The following ROBO2 variants were observed in gnomAD, a reference collection of about 807,000 sequenced individuals.
ROBO2 encodes the protein roundabout guidance receptor 2, also known as roundabout homolog 2.
In ROBO2, 53 loss-of-function variants were observed where a neutral mutation model predicts 160.8. The observed-to-expected ratio is 0.33, with a 90% CI of 0.26 to 0.41. The LOEUF (loss-of-function observed/expected upper bound fraction) is 0.41, where lower values mean the gene tolerates loss of function less well. Among genes scored for constraint, ROBO2 ranks in the 10% least tolerant of loss-of-function variants. ROBO2 has a pLI of 1.00. For synonymous variants in ROBO2, 664 were observed against 611.7 expected, an observed-to-expected ratio of 1.09 and a Z score of -1.26; for missense variants, 1,577 against 1,722.4, an observed-to-expected ratio of 0.92 and a Z score of 1.49.
At chr3:77,390,594 G>A (rs972216058) in intron 2 of ROBO2, among the ~76,000 whole-genome samples, 1 of 152,236 alleles carries the variant, frequency 6.6e-6, no homozygotes, top group South Asian at 2.1e-4. Flanking sequence ...GGAGCTATGA[G>A]TCCATTAAAC....
chr3:76,449,088 C>T (rs1388127754), intron 2 of ROBO2, among the ~76,000 whole-genome samples: 1 of 152,134 alleles, frequency 6.6e-6, no homozygotes, highest in East Asian at 1.9e-4. Context: ...AATATCTTGA[C>T]TTTTCCATTC....
intron 19 of ROBO2, among the ~76,000 whole-genome samples, chr3:77,601,382 A>C (rs957090669): frequency 1.3e-5 from 2 of 152,196 alleles, no homozygotes; most frequent in Non-Finnish European, 1.5e-5. Flanking sequence ...TCTTCCAAAA[A>C]GGGAAAATAA....
intron 2 of ROBO2, among the ~76,000 whole-genome samples, chr3:77,281,694 T>G (rs2060251013): frequency 6.6e-6 from 1 of 152,142 alleles, no homozygotes; most frequent in South Asian, 2.1e-4. Context: ...CCCCAACATT[T>G]TAGGCACCAG....
intron 2 of ROBO2, among the ~76,000 whole-genome samples, chr3:76,463,020 C>T (rs897058111): frequency 7.2e-5 from 11 of 152,166 alleles, no homozygotes; most frequent in African/African-American, 1.4e-4. Context: ...TGCCCATCAC[C>T]GCATTACATG....
chr3:76,978,948 A>ATTT (rs1559792542), intron 2 of ROBO2, among the ~76,000 whole-genome samples: 1,699 of 149,186 alleles, frequency 0.011, 28 homozygotes, highest in African/African-American at 0.039. Context: ...GTTTTTTAAA[A>ATTT]AAAAAAAAAA....
intron 2 of ROBO2, among the ~76,000 whole-genome samples, chr3:77,255,823 A>G (rs1003646171): frequency 3.3e-5 from 5 of 152,242 alleles, no homozygotes; most frequent in African/African-American, 1.2e-4. Context: ...TGTATAAAGC[A>G]ATGAGGTAAC....
At chr3:76,356,294 A>G (rs139336431) in intron 2 of ROBO2, among the ~76,000 whole-genome samples, 1 of 151,726 alleles carries the variant, frequency 6.6e-6, no homozygotes, top group African/African-American at 2.4e-5. Flanking sequence ...AACAGATGGA[A>G]TCAATAGAAT....
At chr3:75,928,318 C>CTGT (rs1947376099) in intron 1 of ROBO2, among the ~76,000 whole-genome samples, 1 of 152,162 alleles carries the variant, frequency 6.6e-6, no homozygotes, top group Admixed American at 6.5e-5. Context: ...GGCAAACCAG[C>CTGT]ATTTCAAAAA....
intron 2 of ROBO2, among the ~76,000 whole-genome samples, chr3:77,102,937 A>T (rs1249354157): frequency 6.6e-6 from 1 of 151,988 alleles, no homozygotes; most frequent in Non-Finnish European, 1.5e-5. Context: ...AATGTTTTTT[A>T]AATAGTTAGA....
chr3:76,833,193 C>A (rs1303285269), intron 2 of ROBO2, among the ~76,000 whole-genome samples: 1 of 152,032 alleles, frequency 6.6e-6, no homozygotes, highest in Non-Finnish European at 1.5e-5. Flanking sequence ...ATTCAGAAAA[C>A]AAAGGAGAGG....
chr3:76,331,728 G>A (rs562539627), intron 2 of ROBO2, among the ~76,000 whole-genome samples: 66 of 146,766 alleles, frequency 4.5e-4, no homozygotes, highest in African/African-American at 1.6e-3. Flanking sequence ...TCACTCTGTC[G>A]CCCAGGCCTG....
At chr3:76,475,774 A>C (rs1269787729) in intron 2 of ROBO2, among the ~76,000 whole-genome samples, 2 of 152,232 alleles carry the variant, frequency 1.3e-5, no homozygotes, top group Non-Finnish European at 2.9e-5. Flanking sequence ...AGATTCCCTC[A>C]GAGCATCACC....
intron 2 of ROBO2, among the ~76,000 whole-genome samples, chr3:76,352,125 A>G (rs1294385484): frequency 1.3e-5 from 2 of 151,990 alleles, no homozygotes; most frequent in African/African-American, 4.8e-5. Context: ...AAGCAGAAGT[A>G]CTTCATTCCC....
At chr3:76,911,556 A>G (rs768197069) in intron 2 of ROBO2, among the ~76,000 whole-genome samples, 4 of 152,200 alleles carry the variant, frequency 2.6e-5, no homozygotes, top group African/African-American at 4.8e-5. Context: ...GATGTACCCA[A>G]TCATGTCACT....
At chr3:77,090,520 CT>C (rs1375387547) in intron 1 of ROBO2, among the ~76,000 whole-genome samples, 1 of 151,106 alleles carries the variant, frequency 6.6e-6, no homozygotes, top group Non-Finnish European at 1.5e-5. Context: ...GCCCGGCTAA[CT>C]TTTTTTGTAT....
chr3:76,052,462 C>A (rs2067687155), intron 2 of ROBO2, among the ~76,000 whole-genome samples: 1 of 151,656 alleles, frequency 6.6e-6, no homozygotes. Context: ...TTTCATACCC[C>A]AATTATTTCA....
intron 2 of ROBO2, among the ~76,000 whole-genome samples, chr3:76,809,882 C>A (rs867675868): frequency 6.6e-6 from 1 of 151,266 alleles, no homozygotes; most frequent in Admixed American, 6.6e-5. Flanking sequence ...AAAATTGACA[C>A]TAGAGAACAG....
rs535493121 is a variant in ROBO2, at chr3:75,951,161, C to T, written c.109+13559C>T. Among the ~76,000 whole-genome samples the T allele has an allele frequency of 2.0e-5, 3 of 151,980 alleles. No individual in the cohort carries two copies. The East Asian group carries it at 5.9e-4, about 30-fold the overall frequency. The stretch of plus-strand genomic sequence containing the variant: ...ATCCCCAATTTATCCCCCCTGTATG[C>T]GTGTATCAAAACATCACATGTGACC... On this transcript the variant is annotated intron_variant, in intron 2 of 26. Transcript: ENST00000487694.
At chr3:77,200,321 A>ATTTTTTTTT (rs201851831) in intron 2 of ROBO2, among the ~76,000 whole-genome samples, 1 of 54,916 alleles carries the variant, frequency 1.8e-5, no homozygotes, top group East Asian at 4.9e-4. Context: ...ATATATATAT[A>ATTTTTTTTT]TTTTAGTTTC....
Sources: gnomAD v4.1 joint callset for allele counts (sites outside exome capture counted in the v4.1 genomes callset) on GRCh38, gnomAD v4.1.1 for gene constraint, MANE v1.5 for transcripts, NCBI Gene and HGNC (gene_info 2026-07-23, HGNC 2026-07-21) for gene names.